ADNP: variants seen among roughly 807,000 people sequenced by gnomAD.
ADNP encodes the protein activity-dependent neuroprotector homeobox protein.
ADNP carries 4 observed loss-of-function variants against 84.9 expected under a neutral mutation model. That is an observed-to-expected ratio of 0.05 (90% confidence interval 0.02 to 0.11). The LOEUF (loss-of-function observed/expected upper bound fraction) is 0.11, where lower values mean the gene tolerates loss of function less well. Ranked by LOEUF, ADNP falls within the 10% of genes least tolerant of loss-of-function variation. ADNP has a pLI of 1.00. For synonymous variants in ADNP, 554 were observed against 468.1 expected (o/e 1.18, Z -2.37); for missense variants, 1,132 against 1,326.0 (o/e 0.85, Z 2.27).
At chr20:50,896,570 CA>C (rs1328498457) in intron 5 of ADNP, among the ~76,000 whole-genome samples, 2 of 152,126 alleles carry the variant, frequency 1.3e-5, no homozygotes, top group Non-Finnish European at 2.9e-5. Flanking sequence ...AAAAAAAAAC[CA>C]AAAACTTTAA....
Position 50,894,426 on chromosome 20 carries a change from G to C in ADNP, c.288C>G (p.Val96=). The part of the protein sequence containing the change: ...FSAYKSHFRN[V]HSEDFENRIL... The stretch of plus-strand genomic sequence containing the variant: ...TCCTATTTTCAAAGTCTTCACTATG[G>C]ACATTGCGGAAATGACTTTTGTAGG... Residue 96 remains valine, a synonymous_variant, in exon 6 of 6, where the codon GTC becomes GTG. Coordinates refer to ENST00000621696, the MANE Select transcript of ADNP (RefSeq NM_001282531.3). 1 of 1,613,876 alleles carries C rather than the reference G, an allele frequency of 6.2e-7. No homozygotes were observed. The highest frequency in any genetic ancestry group is 8.5e-7 in the Non-Finnish European group (1 of 1,179,946).
In ADNP at chr20:50,893,861, G is replaced by T. The variant is rs1244177108; in HGVS notation, c.853C>A (p.Pro285Thr). Reference protein sequence around the residue: ...PQDKKSMGLPPRIGSLASGNV... With the variant: ...PQDKKSMGLPTRIGSLASGNV... ...CCAGAAGCAAGGGAACCGATCCTTG[G>T]TGGGAGTCCCATGCTCTTCTTGTCT... The change falls in exon 6 of 6, where the codon CCA (proline) becomes ACA (threonine). Residue 285 changes from proline to threonine, a missense_variant. Physicochemically the swap from Pro to Thr is conservative, Grantham distance 38. Coordinates refer to ENST00000621696, the MANE Select transcript of ADNP (RefSeq NM_001282531.3). This position sits in a 1 kb window ranked among gnomAD's most constrained non-coding sequence, Gnocchi z 4.4. 6.2e-7 allele frequency: 1 copy of T among 1,614,202 alleles called. No individual in the cohort carries two copies. The highest frequency in any genetic ancestry group is 1.7e-5 in the Admixed American group (1 of 60,022).
At chr20:50,930,075 G>A (rs1056081015) in intron 1 of ADNP, among the ~76,000 whole-genome samples, 15 of 151,962 alleles carry the variant, frequency 9.9e-5, no homozygotes, top group Admixed American at 2.0e-4. Flanking sequence ...CCTCCCAGAG[G>A]AAAGAAGAGG....
At chr20:50,894,852 C>T (rs1308970229) in intron 5 of ADNP, among the ~76,000 whole-genome samples, 6 of 152,058 alleles carry the variant, frequency 3.9e-5, no homozygotes, top group South Asian at 2.1e-4. Flanking sequence ...GAGCCGAGAT[C>T]GGCCATTGCA....
chr20:50,910,430 CTA>C (rs1334937977), intron 2 of ADNP, among the ~76,000 whole-genome samples: 12 of 152,158 alleles, frequency 7.9e-5, no homozygotes, highest in South Asian at 2.1e-4. Flanking sequence ...ACAGCAAGAC[CTA>C]TGTTTCTATA....
chr20:50,914,514 T>C (rs1474239170), intron 2 of ADNP: 2 of 287,500 alleles, frequency 7.0e-6, no homozygotes, highest in South Asian at 7.7e-5. Flanking sequence ...TTCAAAGTCT[T>C]ATAAACATGT....
intron 1 of ADNP, among the ~76,000 whole-genome samples, chr20:50,930,220 C>T (rs979098108): frequency 2.6e-5 from 4 of 152,116 alleles, no homozygotes; most frequent in Non-Finnish European, 5.9e-5. Flanking sequence ...GAGGTGCTGA[C>T]CAGGCAGCTG....
At chr20:50,908,147 G>GTTTTTTT (rs142605027) in intron 2 of ADNP, among the ~76,000 whole-genome samples, 4 of 105,916 alleles carry the variant, frequency 3.8e-5, no homozygotes, top group South Asian at 3.4e-4. Context: ...AGATTTTTCT[G>GTTTTTTT]TTTTTTTTTT....
chr20:50,909,298 G>A (rs1982795702), intron 2 of ADNP, among the ~76,000 whole-genome samples: 1 of 143,694 alleles, frequency 7.0e-6, no homozygotes, highest in Non-Finnish European at 1.5e-5. Flanking sequence ...CAGAGGCGGA[G>A]GTTGTGGTGA....
intron 2 of ADNP, among the ~76,000 whole-genome samples, chr20:50,920,169 C>G (rs1983848000): frequency 1.4e-5 from 2 of 146,992 alleles, no homozygotes; most frequent in Admixed American, 7.0e-5. Flanking sequence ...CCCAGCTACT[C>G]AGGACGCTGA....
intron 2 of ADNP, among the ~76,000 whole-genome samples, chr20:50,912,251 A>T (rs111955535): frequency 0.071 from 10,813 of 152,146 alleles, 591 homozygotes; most frequent in Non-Finnish European, 0.11. Context: ...GGTTCCAGCG[A>T]TTCTCCCACC....
intron 2 of ADNP, among the ~76,000 whole-genome samples, chr20:50,922,578 G>GTT (rs58775431): frequency 0.033 from 4,195 of 125,388 alleles, 242 homozygotes; most frequent in African/African-American, 0.11. Flanking sequence ...GTCCTCCTGC[G>GTT]TTTTTTTTTT....
At chr20:50,896,113 T>G (rs1023948775) in intron 5 of ADNP, among the ~76,000 whole-genome samples, 1 of 151,828 alleles carries the variant, frequency 6.6e-6, no homozygotes, top group Admixed American at 6.6e-5. Context: ...TAATCCCAGC[T>G]ACTCGGGAGG....
At chr20:50,927,355 GGTTA>G (rs1984358011) in intron 2 of ADNP, among the ~76,000 whole-genome samples, 1 of 151,942 alleles carries the variant, frequency 6.6e-6, no homozygotes, top group Non-Finnish European at 1.5e-5. Flanking sequence ...AAATCAAAGA[GGTTA>G]GTTTCAATAT....
Position 50,889,871 on chromosome 20 carries a change from A to G in ADNP, c.*1534T>C. 1 of 398,554 alleles carries G rather than the reference A, an allele frequency of 2.5e-6. No homozygotes were observed. Among genetic ancestry groups the G allele is most frequent in the Non-Finnish European group, 4.4e-6 (1 of 226,058 alleles). The allele number at this position is 398,554 out of a possible 1,614,324, so 24.7% of individuals were successfully genotyped here. A position where few individuals can be genotyped will look rare whatever the true frequency, so the allele number is the denominator to read the frequency against. On this transcript the variant is annotated 3_prime_UTR_variant, in exon 6 of 6. Coordinates refer to ENST00000621696, the MANE Select transcript of ADNP (RefSeq NM_001282531.3). ...TCTTCAAAGCCTTTCCCTTAATAGC[A>G]AGAGGGCCAAGAGTGGCAAATAGAG...
intron 4 of ADNP, among the ~76,000 whole-genome samples, chr20:50,903,425 C>T (rs373906969): frequency 3.9e-5 from 6 of 152,112 alleles, no homozygotes; most frequent in African/African-American, 1.4e-4. Flanking sequence ...AACAAGCACC[C>T]ACACAAGCAC....
intron 2 of ADNP, chr20:50,905,057 G>C (rs1600959211): frequency 6.6e-6 from 1 of 152,080 alleles, no homozygotes; most frequent in Non-Finnish European, 1.5e-5. Context: ...TGAAAAGCCT[G>C]TATGTGTCTA....
intron 5 of ADNP, among the ~76,000 whole-genome samples, chr20:50,894,972 T>C (rs1292706050): frequency 6.6e-6 from 1 of 152,198 alleles, no homozygotes; most frequent in Non-Finnish European, 1.5e-5. Context: ...AAAAAAAAGC[T>C]ATCTTAAACC....
intron 2 of ADNP, chr20:50,909,640 T>C (rs1982848146): frequency 1.3e-5 from 2 of 152,174 alleles, no homozygotes; most frequent in African/African-American, 2.4e-5. Flanking sequence ...AGAATACACA[T>C]AGCCAGCCCT....
Sources: allele counts gnomAD v4.1 joint callset (sites outside exome capture counted in the v4.1 genomes callset), GRCh38; gene constraint gnomAD v4.1.1; non-coding constraint Gnocchi (gnomAD v3.1); transcripts MANE v1.5; gene names NCBI Gene and HGNC (gene_info 2026-07-23, HGNC 2026-07-21).